Variants in IL6R observed in about 807,000 individuals in gnomAD.
IL6R encodes interleukin 6 receptor.
A neutral mutation model predicts 48.3 loss-of-function variants in IL6R; 38 were observed. The ratio of observed to expected loss-of-function variants is 0.79; its 90% confidence interval spans 0.61 to 1.03. The LOEUF (loss-of-function observed/expected upper bound fraction) is 1.03, where lower values mean the gene tolerates loss of function less well. Among genes scored for constraint, IL6R ranks in the 50% least tolerant of loss-of-function variants. The probability of loss-of-function intolerance (pLI) is 0.00; values close to 1 mark genes in which losing one functional copy is unlikely to be tolerated. For synonymous variants in IL6R, 264 were observed against 256.2 expected (o/e 1.03, Z -0.29); for missense variants, 534 against 618.3 (o/e 0.86, Z 1.45).
chr1:154,443,255 C>T (rs76881129), intron 6 of IL6R, among the ~76,000 whole-genome samples: 3 of 152,316 alleles, frequency 2.0e-5, no homozygotes, highest in South Asian at 4.1e-4. Flanking sequence ...CAGGACTGGG[C>T]GGTCAGTGCC....
At chr1:154,417,451 G>A (rs1301832405) in intron 1 of IL6R, among the ~76,000 whole-genome samples, 5 of 152,294 alleles carry the variant, frequency 3.3e-5, no homozygotes, top group African/African-American at 1.2e-4. Context: ...AAAATACTGG[G>A]TGTATCCATC....
At chr1:154,448,291 GGTGA>G in intron 7 of IL6R, 120 bp downstream of exon 7, 2 of 768,394 alleles carry the variant, frequency 2.6e-6, no homozygotes, top group South Asian at 3.0e-5. Context: ...ATGTGGTCGT[GGTGA>G]GTTACCTGTG....
intron 1 of IL6R, among the ~76,000 whole-genome samples, chr1:154,416,704 G>C (rs902462693): frequency 2.0e-5 from 3 of 152,114 alleles, no homozygotes; most frequent in Non-Finnish European, 4.4e-5. Context: ...GGGAGCGGAG[G>C]GGGTGGGGAT....
At chr1:154,420,509 T>G (rs1688600219) in intron 1 of IL6R, among the ~76,000 whole-genome samples, 1 of 147,864 alleles carries the variant, frequency 6.8e-6, no homozygotes, top group Non-Finnish European at 1.5e-5. Context: ...TACTTTATTT[T>G]ATTTTATTTA....
intron 6 of IL6R, chr1:154,445,169 T>C (rs1690149554): frequency 6.6e-6 from 3 of 454,660 alleles, no homozygotes. Flanking sequence ...GGAGCAGTGA[T>C]GAGCTGTCTG....
intron 1 of IL6R, among the ~76,000 whole-genome samples, chr1:154,417,267 TCCTGACACCATG>T (rs569504241): frequency 1.7e-3 from 259 of 152,296 alleles, no homozygotes; most frequent in African/African-American, 5.9e-3. Context: ...CCAGCTCCGG[TCCTGACACCATG>T]CACTGCTGTG....
At chr1:154,415,478 G>C (rs1359969566) in intron 1 of IL6R, among the ~76,000 whole-genome samples, 1 of 152,146 alleles carries the variant, frequency 6.6e-6, no homozygotes. Context: ...ATAGCGAGTA[G>C]TTAAAAGCAC....
In IL6R at chr1:154,447,496, C is replaced by CATAT. The variant is rs1194976872; in HGVS notation, c.950-628_950-627insTATA. ...ATATATACACACACACACACACACA[C>CATAT]ACACACATATATATATACACACATA... On this transcript the variant is annotated intron_variant, in intron 6 of 9. Coordinates refer to ENST00000368485, the MANE Select transcript of IL6R (RefSeq NM_000565.4). Among the ~76,000 whole-genome samples, 189 of 69,016 alleles carry CATAT rather than the reference C, an allele frequency of 2.7e-3. 16 individuals are homozygous for CATAT. The highest frequency in any genetic ancestry group is 0.02 in the African/African-American group (186 of 9,506). The allele number at this position is 69,016 out of a possible 152,430, so 45.3% of individuals were successfully genotyped here. A position where few individuals can be genotyped will look rare whatever the true frequency, so the allele number is the denominator to read the frequency against.
intron 6 of IL6R, among the ~76,000 whole-genome samples, chr1:154,441,122 G>A (rs1226167445): frequency 6.6e-6 from 1 of 152,164 alleles, no homozygotes; most frequent in Non-Finnish European, 1.5e-5. Flanking sequence ...GAATTCTTTT[G>A]GAGTTCCCAG....
chr1:154,416,001 T>C (rs1293201239), intron 1 of IL6R, among the ~76,000 whole-genome samples: 2 of 152,216 alleles, frequency 1.3e-5, no homozygotes, highest in Non-Finnish European at 2.9e-5. Context: ...TTTTAAAGTA[T>C]ACAGATCAGT....
intron 6 of IL6R, among the ~76,000 whole-genome samples, chr1:154,442,737 C>G (rs1308508983): frequency 6.6e-6 from 1 of 152,114 alleles, no homozygotes; most frequent in Non-Finnish European, 1.5e-5. Context: ...GATGGGAGTT[C>G]TCCCTGTCAC....
chr1:154,405,690 G>T lies in IL6R; in HGVS notation c.61G>T (p.Ala21Ser). The T allele has an allele frequency of 6.6e-7, 1 of 1,524,200 alleles. No homozygotes were observed. The highest frequency in any genetic ancestry group is 8.8e-7 in the Non-Finnish European group (1 of 1,142,584). 94.4% of individuals were successfully genotyped at this position (1,524,200 alleles called of 1,614,324 possible). ...GCTGGCCGCGCCGGGAGCGGCGCTG[G>T]CCCCAAGGCGCTGCCCTGCGCAGGG... is the stretch of plus-strand genomic sequence containing the variant. ...ALLAAPGAAL[A>S]PRRCPAQEVA... is the part of the protein sequence containing the mutation. The change falls in exon 1 of 10, where the codon GCC becomes TCC. Residue 21 changes from alanine to serine, a missense_variant. Coordinates refer to ENST00000368485, the MANE Select transcript of IL6R (RefSeq NM_000565.4). This position sits in a 1 kb window ranked among gnomAD's most constrained non-coding sequence, Gnocchi z 5.2.
chr1:154,411,949 T>C (rs1688044242), intron 1 of IL6R, among the ~76,000 whole-genome samples: 1 of 138,476 alleles, frequency 7.2e-6, no homozygotes, highest in African/African-American at 2.8e-5. Flanking sequence ...CTAAGAGCCT[T>C]TTTTTTTTTT....
chr1:154,435,192 C>T (rs1689542833), intron 5 of IL6R, 36 bp downstream of exon 5: 25 of 1,599,142 alleles, frequency 1.6e-5, no homozygotes, highest in Non-Finnish European at 1.7e-5. Context: ...AGAGAGGCGC[C>T]CCTAGATGCT....
intron 1 of IL6R, among the ~76,000 whole-genome samples, chr1:154,412,026 C>T (rs1453228254): frequency 6.7e-6 from 1 of 149,384 alleles, no homozygotes; most frequent in East Asian, 2.0e-4. Context: ...CAGCTCACTG[C>T]AACATCCGCC....
rs1295296703 is a variant in IL6R, at chr1:154,436,046, G to A, written c.885G>A (p.Gln295=). ...GGCACGTGGTGCAGCTTCGTGCCCAGGAGGAGTTCGGGCAAGGCGAGTGGA... is the reference window on the plus strand; with the variant it reads ...GGCACGTGGTGCAGCTTCGTGCCCAAGAGGAGTTCGGGCAAGGCGAGTGGA... The part of the protein sequence containing the change: ...GLRHVVQLRA[Q]EEFGQGEWSE... Residue 295 remains glutamine (Q), a synonymous_variant, in exon 6 of 10, where the codon CAG becomes CAA. Transcript: ENST00000368485. The A allele has an allele frequency of 1.2e-6, 2 of 1,613,172 alleles. No individual in the cohort carries two copies. Among genetic ancestry groups the A allele is most frequent in the East Asian group, 4.5e-5 (2 of 44,886 alleles).
At chr1:154,418,373 C>G in intron 1 of IL6R, 1 of 983,252 alleles carries the variant, frequency 1.0e-6, no homozygotes, top group Non-Finnish European at 1.2e-6. Context: ...GCCTCCCTCC[C>G]AGACCCTCTC....
At chr1:154,431,134 G>C (rs368526420) in intron 3 of IL6R, among the ~76,000 whole-genome samples, 2 of 152,158 alleles carry the variant, frequency 1.3e-5, no homozygotes, top group East Asian at 3.9e-4. Context: ...ATGGGCGGGG[G>C]AGAGGGAGCT....
chr1:154,445,742 T>C (rs1570983325), intron 6 of IL6R, among the ~76,000 whole-genome samples: 3 of 123,022 alleles, frequency 2.4e-5, no homozygotes, highest in East Asian at 4.5e-4. Flanking sequence ...AGAGCGAGAC[T>C]CGGTCTCAAA....
Sources: gnomAD v4.1 joint callset for allele counts (sites outside exome capture counted in the v4.1 genomes callset) on GRCh38, gnomAD v4.1.1 for gene constraint, Gnocchi (gnomAD v3.1) non-coding constraint, MANE v1.5 for transcripts, NCBI Gene and HGNC (gene_info 2026-07-23, HGNC 2026-07-21) for gene names.